Variants in BANK1 observed in about 807,000 individuals in gnomAD.
The protein encoded by BANK1 is B-cell scaffold protein with ankyrin repeats.
A neutral mutation model predicts 94.5 loss-of-function variants in BANK1; 95 were observed. The observed-to-expected ratio is 1.00, with a 90% CI of 0.85 to 1.19. The LOEUF is 1.19. Among genes scored for constraint, BANK1 ranks in the 50% most tolerant of loss-of-function variants. The pLI, the probability that BANK1 is intolerant of heterozygous loss-of-function variation, is 0.00. For missense variants in BANK1, 987 were observed against 932.2 expected, an observed-to-expected ratio of 1.06 and a Z score of -0.77; for synonymous variants, 334 against 308.4, an observed-to-expected ratio of 1.08 and a Z score of -0.87.
At chr4:101,968,130 G>C (rs1451674222) in intron 7 of BANK1, among the ~76,000 whole-genome samples, 1 of 152,062 alleles carries the variant, frequency 6.6e-6, no homozygotes, top group African/African-American at 2.4e-5. Context: ...CACACAGGAG[G>C]CTACAGAGGG....
intron 11 of BANK1, among the ~76,000 whole-genome samples, chr4:102,051,994 C>T (rs1728064537): frequency 6.6e-6 from 1 of 152,044 alleles, no homozygotes; most frequent in South Asian, 2.1e-4. Flanking sequence ...TTGCGAACTG[C>T]ACCTATTAAA....
At chr4:102,061,063 T>G (rs1728404179) in intron 12 of BANK1, among the ~76,000 whole-genome samples, 1 of 152,202 alleles carries the variant, frequency 6.6e-6, no homozygotes, top group Non-Finnish European at 1.5e-5. Flanking sequence ...AATTTTTTTC[T>G]TCTTATCACA....
rs779337958 is a variant in BANK1, at chr4:102,030,209, C to G, written c.1844C>G (p.Thr615Arg). Residue 615 changes from threonine (T) to arginine (R), a missense_variant, in exon 10 of 17, where the codon ACA (threonine) becomes AGA (arginine). By Grantham distance (71) the Thr-to-Arg change is moderately conservative. Coordinates refer to ENST00000322953, the MANE Select transcript of BANK1 (RefSeq NM_017935.5). ...ATTATAAATAGACCTCCTGCCCCCACACCCCGACCCACAAGTATACCTCCA... is the reference window on the plus strand; with the variant it reads ...ATTATAAATAGACCTCCTGCCCCCAGACCCCGACCCACAAGTATACCTCCA... ...SFIINRPPAPTPRPTSIPPKE... is the reference protein window; with the variant it reads ...SFIINRPPAPRPRPTSIPPKE... 47 of 1,612,590 alleles carry G rather than the reference C, an allele frequency of 2.9e-5. No homozygotes were observed. The South Asian group carries it at 4.6e-4, about 16-fold the overall frequency.
chr4:102,071,197 A>C, intron 13 of BANK1, 78 bp from the exon 14 acceptor site: 1 of 1,488,908 alleles, frequency 6.7e-7, no homozygotes, highest in Non-Finnish European at 9.3e-7. Context: ...GTAGTCCAAC[A>C]ATTAAAAAAA....
chr4:101,950,776 G>A (rs945083575), intron 7 of BANK1, among the ~76,000 whole-genome samples: 1 of 152,126 alleles, frequency 6.6e-6, no homozygotes, highest in African/African-American at 2.4e-5. Flanking sequence ...GATAAGATGA[G>A]GAATGATGAG....
intron 7 of BANK1, among the ~76,000 whole-genome samples, chr4:101,976,485 C>G (rs1276217748): frequency 6.6e-6 from 1 of 152,074 alleles, no homozygotes; most frequent in Non-Finnish European, 1.5e-5. Context: ...AATTGGCATC[C>G]TGACATTTTC....
intron 14 of BANK1, 42 bp from the exon 15 acceptor site, chr4:102,072,303 T>A: frequency 7.1e-7 from 1 of 1,405,712 alleles, no homozygotes; most frequent in Non-Finnish European, 1.0e-6. Context: ...TCATCAAATT[T>A]GTGAATGAAT....
At chr4:101,859,228 G>A (rs1346934503) in intron 3 of BANK1, among the ~76,000 whole-genome samples, 1 of 152,216 alleles carries the variant, frequency 6.6e-6, no homozygotes, top group African/African-American at 2.4e-5. Context: ...GTATTGTGAA[G>A]TGATGCCTTC....
At chr4:101,810,442 C>T (rs1725702410) in intron 1 of BANK1, among the ~76,000 whole-genome samples, 1 of 152,116 alleles carries the variant, frequency 6.6e-6, no homozygotes, top group Non-Finnish European at 1.5e-5. Context: ...GGCATTTATA[C>T]ACCATCAGTC....
chr4:101,870,720 G>T, intron 5 of BANK1, 76 bp downstream of exon 5: 3 of 1,476,046 alleles, frequency 2.0e-6, no homozygotes, highest in South Asian at 2.8e-5. Flanking sequence ...TTCATGCTTT[G>T]GTATAAGTTT....
At chr4:101,870,723 A>G (rs1578368989) in intron 5 of BANK1, 79 bp downstream of exon 5, 3 of 1,462,254 alleles carry the variant, frequency 2.1e-6, no homozygotes, top group Non-Finnish European at 2.8e-6. Flanking sequence ...ATGCTTTGGT[A>G]TAAGTTTGAA....
intron 5 of BANK1, among the ~76,000 whole-genome samples, chr4:101,874,862 T>C: frequency 6.6e-6 from 1 of 152,186 alleles, no homozygotes; most frequent in East Asian, 1.9e-4. Context: ...AGGGGGCAAC[T>C]AATATTTGTT....
At chr4:102,022,064 GTA>G (rs2148946964) in intron 8 of BANK1, among the ~76,000 whole-genome samples, 2 of 151,882 alleles carry the variant, frequency 1.3e-5, no homozygotes, top group East Asian at 3.9e-4. Flanking sequence ...ACGTATATGT[GTA>G]TATAAATGTA....
At chr4:102,010,121 C>T (rs376206821) in intron 7 of BANK1, among the ~76,000 whole-genome samples, 37,598 of 150,830 alleles carry the variant, frequency 0.25, 4,943 homozygotes, top group East Asian at 0.39. Context: ...AAAAATTAGC[C>T]AGGTGTGGTG....
chr4:101,829,224 G>A (rs759542386), intron 1 of BANK1, among the ~76,000 whole-genome samples: 8 of 151,884 alleles, frequency 5.3e-5, no homozygotes, highest in African/African-American at 2.4e-5. Context: ...CCATAGAGCT[G>A]GTTCCTTTAT....
intron 7 of BANK1, among the ~76,000 whole-genome samples, chr4:101,987,215 T>C (rs1725537197): frequency 6.6e-6 from 1 of 151,828 alleles, no homozygotes; most frequent in South Asian, 2.1e-4. Context: ...GCCAAATGGG[T>C]AATCAGTCCA....
rs1727063357 is a variant in BANK1, at chr4:102,025,568, C to T, written c.1594+59C>T. 4 of 1,512,710 alleles carry T rather than the reference C, an allele frequency of 2.6e-6. No individual in the cohort carries two copies. In the Admixed American group the frequency reaches 7.3e-5, roughly 28 times the overall value. 93.7% of individuals were successfully genotyped at this position (1,512,710 alleles called of 1,614,324 possible). ...CAAAGACAAATCTTTGACAGGCTTA[C>T]ATAGCAAATAGTGCAGTGGCAAATC... is the stretch of plus-strand genomic sequence containing the variant. On this transcript the variant is annotated intron_variant, in intron 9 of 16. Transcript: ENST00000322953.
At chr4:101,946,952 C>T (rs6828647) in intron 7 of BANK1, among the ~76,000 whole-genome samples, 5,483 of 151,656 alleles carry the variant, frequency 0.036, 327 homozygotes, top group African/African-American at 0.12. Flanking sequence ...TTATGATGAA[C>T]TTAGTAGTTT....
chr4:102,001,148 A>G (rs1726054393), intron 7 of BANK1, among the ~76,000 whole-genome samples: 1 of 152,214 alleles, frequency 6.6e-6, no homozygotes. Context: ...AGAATATCAA[A>G]GGAGCAACAC....
Sources: allele counts gnomAD v4.1 joint callset (sites outside exome capture counted in the v4.1 genomes callset), GRCh38; gene constraint gnomAD v4.1.1; transcripts MANE v1.5; gene names NCBI Gene and HGNC (gene_info 2026-07-23, HGNC 2026-07-21).